The following CAMK1D variants were observed in gnomAD, a reference collection of about 807,000 sequenced individuals.
CAMK1D encodes the protein calcium/calmodulin-dependent protein kinase type 1D.
CAMK1D carries 9 observed loss-of-function variants against 47.7 expected under a neutral mutation model. The observed-to-expected ratio is 0.19, with a 90% CI of 0.11 to 0.33. The LOEUF (loss-of-function observed/expected upper bound fraction) is 0.33. CAMK1D is among the 10% of genes least tolerant of loss of function. The probability of loss-of-function intolerance (pLI) is 1.00; values close to 1 mark genes in which losing one functional copy is unlikely to be tolerated. For missense variants in CAMK1D, 291 were observed against 488.7 expected (o/e 0.60, Z 3.81); for synonymous variants, 184 against 184.9 (o/e 0.99, Z 0.04).
chr10:12,563,685 G>A (rs1564414424), intron 2 of CAMK1D, among the ~76,000 whole-genome samples: 2 of 131,080 alleles, frequency 1.5e-5, no homozygotes, highest in African/African-American at 5.3e-5. Flanking sequence ...GAGAGAGAGA[G>A]AGAGAGAGAG....
rs1204701897 is a variant in CAMK1D, at chr10:12,359,968, G to C, written c.92+10058G>C. 2.0e-5 allele frequency among the ~76,000 whole-genome samples: 3 copies of C among 152,200 alleles called. No individual in the cohort carries two copies. The East Asian group carries it at 5.8e-4, about 29-fold the overall frequency. ...AAATGTCCCAGGTCACAGGATGTTA[G>C]TGTTAACACTTGGGGAGCTAATTTC... On this transcript the variant is annotated intron_variant, in intron 1 of 10. Transcript: ENST00000619168.
intron 1 of CAMK1D, among the ~76,000 whole-genome samples, chr10:12,504,280 C>T (rs953121118): frequency 6.6e-6 from 1 of 150,820 alleles, no homozygotes; most frequent in Admixed American, 6.6e-5. Flanking sequence ...GGAAAGCCAG[C>T]GGTATAATTC....
At chr10:12,715,022 C>T (rs187989751) in intron 3 of CAMK1D, among the ~76,000 whole-genome samples, 1 of 152,214 alleles carries the variant, frequency 6.6e-6, no homozygotes, top group African/African-American at 2.4e-5. Flanking sequence ...CCAAAGTCCC[C>T]CTACTCTGCT....
intron 1 of CAMK1D, among the ~76,000 whole-genome samples, chr10:12,525,758 G>A (rs1835599952): frequency 6.6e-6 from 1 of 151,910 alleles, no homozygotes; most frequent in South Asian, 2.1e-4. Flanking sequence ...TATATCCTGT[G>A]TACTTTTTTG....
chr10:12,364,503 G>A (rs1438957738), intron 1 of CAMK1D, among the ~76,000 whole-genome samples: 2 of 151,842 alleles, frequency 1.3e-5, no homozygotes, highest in African/African-American at 4.8e-5. Context: ...TAGGCCTCCC[G>A]AAGTACTAGG....
At chr10:12,528,256 T>C (rs1835690602) in intron 1 of CAMK1D, among the ~76,000 whole-genome samples, 1 of 152,244 alleles carries the variant, frequency 6.6e-6, no homozygotes, top group Admixed American at 6.5e-5. Flanking sequence ...AAGAAGCATG[T>C]TAATGTCTTA....
At chr10:12,817,098 T>C (rs1832830232) in intron 8 of CAMK1D, among the ~76,000 whole-genome samples, 1 of 152,148 alleles carries the variant, frequency 6.6e-6, no homozygotes, top group African/African-American at 2.4e-5. Flanking sequence ...GAGAGACTTA[T>C]TCACTGTCAC....
Position 12,427,700 on chromosome 10 carries a change from G to GTTTTTTTTTT in CAMK1D, c.92+77806_92+77815dup, listed in dbSNP as rs768000055. ...CTTTCCTGGCTTCACTGAACTTACT[G>GTTTTTTTTTT]TTTTTTTTTTTTTTTTTTTTTTTTT... On this transcript the variant is annotated intron_variant, in intron 1 of 10. Transcript: ENST00000619168. 1.2e-3 allele frequency among the ~76,000 whole-genome samples: 36 copies of GTTTTTTTTTT among 31,034 alleles called. 10 individuals are homozygous for GTTTTTTTTTT. The highest frequency in any genetic ancestry group is 2.4e-3 in the African/African-American group (23 of 9,400). The allele number at this position is 31,034 out of a possible 152,430, so 20.4% of individuals were successfully genotyped here.
chr10:12,763,269 AAATT>A (rs1174276187), intron 4 of CAMK1D, among the ~76,000 whole-genome samples: 1 of 152,224 alleles, frequency 6.6e-6, no homozygotes, highest in African/African-American at 2.4e-5. Context: ...ACAGCTAAGA[AAATT>A]AAAGTTAAAA....
chr10:12,784,676 T>C (rs1007740129), intron 5 of CAMK1D, among the ~76,000 whole-genome samples: 1 of 152,240 alleles, frequency 6.6e-6, no homozygotes, highest in African/African-American at 2.4e-5. Flanking sequence ...AATTGGCAGT[T>C]GCTTCCATTC....
intron 3 of CAMK1D, among the ~76,000 whole-genome samples, chr10:12,707,818 C>T (rs568438308): frequency 6.6e-5 from 10 of 152,332 alleles, no homozygotes; most frequent in Admixed American, 5.2e-4. Context: ...TGGCAAGACC[C>T]TCTCAGAGCC....
chr10:12,468,123 A>G (rs553794325), intron 1 of CAMK1D, among the ~76,000 whole-genome samples: 4 of 136,620 alleles, frequency 2.9e-5, no homozygotes. Context: ...TGGTGCCATC[A>G]TGGCGCACTG....
chr10:12,411,964 T>G (rs969026258), intron 1 of CAMK1D, among the ~76,000 whole-genome samples: 1 of 152,202 alleles, frequency 6.6e-6, no homozygotes, highest in Non-Finnish European at 1.5e-5. Context: ...ATAATGACTT[T>G]GAACAAAGGA....
intron 1 of CAMK1D, among the ~76,000 whole-genome samples, chr10:12,396,203 C>T (rs186453396): frequency 9.1e-4 from 138 of 152,228 alleles, no homozygotes; most frequent in South Asian, 1.0e-3. Flanking sequence ...TGTTCAGTAG[C>T]CCCCGGTCCA....
chr10:12,704,571 A>G (rs574396384), intron 3 of CAMK1D, among the ~76,000 whole-genome samples: 1 of 152,306 alleles, frequency 6.6e-6, no homozygotes, highest in South Asian at 2.1e-4. Context: ...GAAAAAAAAA[A>G]AGAAAGATTA....
At chr10:12,802,980 A>G (rs1292437539) in intron 6 of CAMK1D, among the ~76,000 whole-genome samples, 2 of 152,246 alleles carry the variant, frequency 1.3e-5, no homozygotes, top group Non-Finnish European at 2.9e-5. Context: ...ATCTGGATGG[A>G]GGTCCTAAAG....
intron 2 of CAMK1D, among the ~76,000 whole-genome samples, chr10:12,615,560 GTA>G (rs1287852307): frequency 7.2e-6 from 1 of 138,264 alleles, no homozygotes; most frequent in Admixed American, 7.3e-5. Flanking sequence ...AGTTATGTGT[GTA>G]TATCGTGTGT....
intron 1 of CAMK1D, among the ~76,000 whole-genome samples, chr10:12,369,955 CAA>C (rs577405105): frequency 2.6e-5 from 3 of 115,480 alleles, no homozygotes; most frequent in Admixed American, 8.9e-5. Flanking sequence ...GACTCTGTCT[CAA>C]AAAAAAAAAA....
At chr10:12,354,512 G>A (rs1186726717) in intron 1 of CAMK1D, among the ~76,000 whole-genome samples, 4 of 149,496 alleles carry the variant, frequency 2.7e-5, no homozygotes, top group Admixed American at 1.3e-4. Context: ...CGCAACCTCC[G>A]CCTCCCAGGT....
Sources: gnomAD v4.1 joint callset for allele counts (sites outside exome capture counted in the v4.1 genomes callset) on GRCh38, gnomAD v4.1.1 for gene constraint, MANE v1.5 for transcripts, NCBI Gene and HGNC (gene_info 2026-07-23, HGNC 2026-07-21) for gene names.